NUP188: variants seen among roughly 807,000 people sequenced by gnomAD.
NUP188 encodes the protein nucleoporin NUP188.
Under a neutral mutation model 223.0 loss-of-function variants are expected in NUP188, and 97 were observed. The ratio of observed to expected loss-of-function variants is 0.43; its 90% CI spans 0.37 to 0.51. NUP188 has a LOEUF of 0.51. Ranked by LOEUF, NUP188 falls within the 20% of genes least tolerant of loss-of-function variation. NUP188 has a pLI of 0.00. For synonymous variants in NUP188, 869 were observed against 828.0 expected, an observed-to-expected ratio of 1.05 and a Z score of -0.85; for missense variants, 1,947 against 2,175.6, an observed-to-expected ratio of 0.89 and a Z score of 2.09.
At chr9:128,991,162 C>CTT (rs78549616) in intron 25 of NUP188, among the ~76,000 whole-genome samples, 54 of 123,436 alleles carry the variant, frequency 4.4e-4, no homozygotes, top group African/African-American at 1.4e-3. Context: ...CTCCAGATTT[C>CTT]TTTTTTTTTT....
At chr9:128,949,165 T>G (rs1371473565) in intron 1 of NUP188, 24 bp from the exon 2 acceptor site, 12 of 1,598,058 alleles carry the variant, frequency 7.5e-6, no homozygotes, top group Non-Finnish European at 1.0e-5. Context: ...AGAGCAAAAT[T>G]ACCTCTGTTC....
intron 9 of NUP188, 32 bp from the exon 10 acceptor site, chr9:128,969,368 A>C: frequency 7.5e-7 from 1 of 1,337,916 alleles, no homozygotes; most frequent in South Asian, 1.2e-5. Flanking sequence ...AGAACGGGAT[A>C]TATAACATGG....
intron 11 of NUP188, among the ~76,000 whole-genome samples, 180 bp downstream of exon 11, chr9:128,971,138 G>GT (rs1842099340): frequency 6.6e-6 from 1 of 152,086 alleles, no homozygotes; most frequent in Non-Finnish European, 1.5e-5. Context: ...TTGAATCCTT[G>GT]TAACACTTCT....
Position 128,964,951 on chromosome 9 carries a change from C to T in NUP188, c.586-3555C>T, listed in dbSNP as rs752890020. ...TCACTCCTGACCTCAGGTCATCCACCCGTCTCGGCCTCCCAGAGTGCTAGG... is the reference window on the plus strand; with the variant it reads ...TCACTCCTGACCTCAGGTCATCCACTCGTCTCGGCCTCCCAGAGTGCTAGG... On this transcript the variant is annotated intron_variant, in intron 8 of 43. Coordinates refer to ENST00000372577, the MANE Select transcript of NUP188 (RefSeq NM_015354.3). Among the ~76,000 whole-genome samples, 117 of 152,088 alleles carry T rather than the reference C, an allele frequency of 7.7e-4. 1 individual carries two copies. Among genetic ancestry groups the T allele is most frequent in the Non-Finnish European group, 4.7e-4 (32 of 67,978 alleles).
rs1842363104 is a variant in NUP188, at chr9:128,988,039, C to T, written c.2394-8C>T. Reference sequence around the variant, plus strand: ...TGAATCATCTTTGGTTTCCATTTGGCACCCTAGTGATGGGGCAGAGGGCCA... The same window carrying T: ...TGAATCATCTTTGGTTTCCATTTGGTACCCTAGTGATGGGGCAGAGGGCCA... On this transcript the variant is annotated splice_region_variant and splice_polypyrimidine_tract_variant and intron_variant, in intron 23 of 43. Transcript: ENST00000372577. 1.2e-6 allele frequency: 2 copies of T among 1,613,370 alleles called. No homozygotes were observed. Among genetic ancestry groups the T allele is most frequent in the Admixed American group, 3.3e-5 (2 of 59,848 alleles).
intron 12 of NUP188, among the ~76,000 whole-genome samples, chr9:128,978,123 T>G (rs1411607835): frequency 6.6e-6 from 1 of 152,010 alleles, no homozygotes; most frequent in Non-Finnish European, 1.5e-5. Flanking sequence ...TGTAACCCAG[T>G]GCTTTGGGAG....
chr9:128,983,221 T>C, intron 17 of NUP188, 72 bp from the exon 18 acceptor site: 4 of 1,446,772 alleles, frequency 2.8e-6, no homozygotes, highest in Non-Finnish European at 3.9e-6. Context: ...GAGAGAGAAG[T>C]GGAAAAATGT....
intron 3 of NUP188, among the ~76,000 whole-genome samples, chr9:128,954,916 C>T (rs989017003): frequency 6.6e-5 from 10 of 150,694 alleles, no homozygotes; most frequent in African/African-American, 1.7e-4. Context: ...TGCAATGGTG[C>T]GATTTCAGCT....
Position 128,999,188 on chromosome 9 carries a change from G to C in NUP188, c.3532G>C (p.Asp1178His). The C allele has an allele frequency of 6.2e-7, 1 of 1,614,088 alleles. No individual in the cohort carries two copies. The highest frequency in any genetic ancestry group is 8.5e-7 in the Non-Finnish European group (1 of 1,179,988). ...TCTTTCTAGAGAGTTAGGTTCTGTG[G>C]ATGAAATCCTTGGACCCTTGACGGA... is the stretch of plus-strand genomic sequence containing the variant. Reference protein sequence around the residue: ...RQWKRELGSVDEILGPLTEIL... With the variant: ...RQWKRELGSVHEILGPLTEIL... Residue 1178 changes from aspartate (D) to histidine (H), a missense_variant, in exon 33 of 44, where the codon GAT (aspartate) becomes CAT (histidine). Physicochemically the swap from Asp to His is moderately conservative, Grantham distance 81. Coordinates refer to ENST00000372577, the MANE Select transcript of NUP188 (RefSeq NM_015354.3).
At chr9:128,965,057 C>T (rs1435065693) in intron 8 of NUP188, among the ~76,000 whole-genome samples, 1 of 152,152 alleles carries the variant, frequency 6.6e-6, no homozygotes, top group Non-Finnish European at 1.5e-5. Context: ...ATTATGGCTC[C>T]TGCCTTTTGG....
intron 12 of NUP188, among the ~76,000 whole-genome samples, chr9:128,976,094 G>A (rs1318263506): frequency 6.6e-6 from 1 of 152,140 alleles, no homozygotes; most frequent in Admixed American, 6.6e-5. Context: ...GAGTGCTTGG[G>A]TTATAGGTGT....
intron 22 of NUP188, among the ~76,000 whole-genome samples, chr9:128,987,078 AGAGAGAGAGAGT>A (rs1197348034): frequency 7.6e-6 from 1 of 131,452 alleles, no homozygotes; most frequent in Admixed American, 7.6e-5. Context: ...AGAGAGAGAG[AGAGAGAGAGAGT>A]GTGTGTGTGT....
At chr9:129,000,528 C>T (rs546823967) in intron 34 of NUP188, among the ~76,000 whole-genome samples, 10 of 151,764 alleles carry the variant, frequency 6.6e-5, no homozygotes, top group African/African-American at 2.2e-4. Flanking sequence ...CTGTGTTAGC[C>T]AGGATGGCCT....
chr9:128,956,204 T>C lies in NUP188; in HGVS notation c.162-146T>C, dbSNP rs1350385457. 6 of 461,926 alleles carry C rather than the reference T, an allele frequency of 1.3e-5. No homozygotes were observed. In the East Asian group the frequency reaches 1.4e-4, roughly 11 times the overall value. The allele number at this position is 461,926 out of a possible 1,614,324, so 28.6% of individuals were successfully genotyped here. ...ATGGGTGTGTGTGTGTGTGTGTGTG[T>C]GTGTGTGCGTGTGTGTGTTTGTGTG... On this transcript the variant is annotated intron_variant, in intron 3 of 43. Coordinates refer to ENST00000372577, the MANE Select transcript of NUP188 (RefSeq NM_015354.3).
In NUP188 at chr9:128,994,384, G is replaced by T; in HGVS notation, c.3029G>T (p.Trp1010Leu). The T allele has an allele frequency of 6.2e-7, 1 of 1,612,214 alleles. No homozygotes were observed. Among genetic ancestry groups the T allele is most frequent in the South Asian group, 1.1e-5 (1 of 91,006 alleles). ...MLVLRTKPKFWENLTSPLFGT... is the reference protein window; with the variant it reads ...MLVLRTKPKFLENLTSPLFGT... ...TATTTCCTTTTTAGACCCAAGTTTT[G>T]GGAAAATTTAACCAGTCCGCTGTTT... The change falls in exon 28 of 44, where the codon TGG (tryptophan) becomes TTG (leucine). Residue 1010 changes from tryptophan (W) to leucine (L), a missense_variant. By Grantham distance (61) the Trp-to-Leu change is moderately conservative. Around this residue, in one of 3 missense-constraint regions of NUP188, gnomAD observed 905 missense variants for 990.6 expected, o/e 0.91. Coordinates refer to ENST00000372577, the MANE Select transcript of NUP188 (RefSeq NM_015354.3).
At position 129,001,883 on chromosome 9, in the gene NUP188, G is replaced by A; in HGVS notation, c.4045-1G>A. ...CATTTCCTGTCTTTCCCTCCTCCCA[G>A]GGAGCCACAGCAGTGGCTGGAGCTG... On this transcript the variant is annotated splice_acceptor_variant, in intron 35 of 43. Coordinates refer to ENST00000372577, the MANE Select transcript of NUP188 (RefSeq NM_015354.3). LOFTEE classifies it high-confidence loss of function. The A allele has an allele frequency of 6.2e-7, 1 of 1,613,496 alleles. No individual in the cohort carries two copies. Among genetic ancestry groups the A allele is most frequent in the Non-Finnish European group, 8.5e-7 (1 of 1,179,474 alleles).
intron 41 of NUP188, 40 bp downstream of exon 41, chr9:129,005,816 T>G (rs1193399480): frequency 6.4e-7 from 1 of 1,551,392 alleles, no homozygotes; most frequent in Non-Finnish European, 8.7e-7. Context: ...TCCCCCCGGC[T>G]CCTCCCCCTG....
At chr9:128,994,495 C>A in intron 28 of NUP188, 53 bp downstream of exon 28, 1 of 1,256,804 alleles carries the variant, frequency 8.0e-7, no homozygotes, top group Non-Finnish European at 1.2e-6. Flanking sequence ...GGAGGAAAGG[C>A]TGTGGGCTGT....
intron 8 of NUP188, among the ~76,000 whole-genome samples, chr9:128,961,329 C>T (rs1336903472): frequency 6.7e-6 from 1 of 149,476 alleles, no homozygotes; most frequent in South Asian, 2.1e-4. Context: ...GACTCTGTCT[C>T]AGAAAAATAA....
Sources: allele counts gnomAD v4.1 joint callset (sites outside exome capture counted in the v4.1 genomes callset), GRCh38; gene constraint gnomAD v4.1.1; regional missense constraint gnomAD v4.1.1; transcripts MANE v1.5; gene names NCBI Gene and HGNC (gene_info 2026-07-23, HGNC 2026-07-21).